ERC2: variants seen among roughly 807,000 people sequenced by gnomAD.
ERC2 encodes the protein ERC protein 2.
Under a neutral mutation model 114.8 loss-of-function variants are expected in ERC2, and 42 were observed. The ratio of observed to expected loss-of-function variants is 0.37; its 90% CI spans 0.29 to 0.47. ERC2 has a LOEUF of 0.47. Among genes scored for constraint, ERC2 ranks in the 20% least tolerant of loss-of-function variants. The pLI, the probability that ERC2 is intolerant of heterozygous loss-of-function variation, is 0.99. For synonymous variants in ERC2, 454 were observed against 425.5 expected (o/e 1.07, Z -0.82); for missense variants, 939 against 1,150.7 (o/e 0.82, Z 2.66).
intron 16 of ERC2, among the ~76,000 whole-genome samples, chr3:55,695,294 C>A (rs554428769): frequency 2.0e-5 from 3 of 152,302 alleles, no homozygotes; most frequent in African/African-American, 7.2e-5. Context: ...TTGTTGTCTG[C>A]CCCCATGGCC....
intron 3 of ERC2, among the ~76,000 whole-genome samples, chr3:56,195,271 A>T (rs2048027088): frequency 6.6e-6 from 1 of 152,148 alleles, no homozygotes; most frequent in South Asian, 2.1e-4. Context: ...CAAAGGGAAG[A>T]TTCACGTCTT....
At chr3:56,134,083 A>C (rs575814585) in intron 6 of ERC2, among the ~76,000 whole-genome samples, 4 of 152,376 alleles carry the variant, frequency 2.6e-5, no homozygotes, top group Non-Finnish European at 4.4e-5. Context: ...TTTAATCAAA[A>C]GATAGTCTCA....
At chr3:55,976,448 G>A (rs1272373539) in intron 12 of ERC2, among the ~76,000 whole-genome samples, 2 of 151,990 alleles carry the variant, frequency 1.3e-5, no homozygotes, top group Non-Finnish European at 1.5e-5. Context: ...TTCAAATTAC[G>A]CATAATTTCT....
chr3:55,878,502 A>T (rs933082826), intron 14 of ERC2, among the ~76,000 whole-genome samples: 1 of 152,204 alleles, frequency 6.6e-6, no homozygotes, highest in Non-Finnish European at 1.5e-5. Context: ...TGGTGCCACC[A>T]TTCCCACACT....
chr3:55,551,414 T>G (rs980347880), intron 17 of ERC2, among the ~76,000 whole-genome samples: 3 of 151,934 alleles, frequency 2.0e-5, no homozygotes, highest in African/African-American at 7.3e-5. Context: ...TCCCAGCTAC[T>G]CGGGAGGCTA....
At chr3:56,002,670 G>A (rs1160953040) in intron 10 of ERC2, among the ~76,000 whole-genome samples, 5 of 152,138 alleles carry the variant, frequency 3.3e-5, no homozygotes, top group African/African-American at 7.2e-5. Context: ...CTCAAAGAGC[G>A]TAACCCTGTT....
intron 7 of ERC2, among the ~76,000 whole-genome samples, chr3:56,050,327 T>G (rs2075703538): frequency 6.6e-6 from 1 of 152,112 alleles, no homozygotes. Context: ...TACAACTGTC[T>G]CAGTCTGGGA....
At chr3:56,075,985 C>A (rs1441374317) in intron 7 of ERC2, among the ~76,000 whole-genome samples, 1 of 152,020 alleles carries the variant, frequency 6.6e-6, no homozygotes, top group Non-Finnish European at 1.5e-5. Context: ...CTGAGGTTAT[C>A]ATCATTCAGA....
intron 1 of ERC2, among the ~76,000 whole-genome samples, chr3:56,449,222 T>C (rs1309588660): frequency 6.6e-6 from 1 of 150,958 alleles, no homozygotes; most frequent in Non-Finnish European, 1.5e-5. Context: ...CCCAAGAAGA[T>C]GTACTAGGAA....
chr3:55,856,669 T>C (rs1476874247), intron 14 of ERC2, among the ~76,000 whole-genome samples: 1 of 152,076 alleles, frequency 6.6e-6, no homozygotes, highest in Non-Finnish European at 1.5e-5. Flanking sequence ...GAAAAATATC[T>C]ATACCCAAGA....
chr3:56,040,273 T>C (rs1473256423), intron 7 of ERC2, among the ~76,000 whole-genome samples: 1 of 152,100 alleles, frequency 6.6e-6, no homozygotes, highest in African/African-American at 2.4e-5. Context: ...AGATAGCTTG[T>C]TTTATTTAGT....
At chr3:56,000,893 TAAA>T (rs58057703) in intron 10 of ERC2, among the ~76,000 whole-genome samples, 2 of 137,740 alleles carry the variant, frequency 1.5e-5, no homozygotes, top group African/African-American at 2.6e-5. Context: ...GTCTTAAGTT[TAAA>T]AAAAAAAAAA....
At chr3:55,757,728 T>C (rs917793780) in intron 14 of ERC2, among the ~76,000 whole-genome samples, 4 of 152,120 alleles carry the variant, frequency 2.6e-5, no homozygotes, top group African/African-American at 7.2e-5. Flanking sequence ...ATAAATATTG[T>C]TCACTTTGAA....
chr3:56,038,324 A>G (rs1316740527), intron 7 of ERC2, among the ~76,000 whole-genome samples: 2 of 152,236 alleles, frequency 1.3e-5, no homozygotes, highest in African/African-American at 4.8e-5. Flanking sequence ...CAACAAACAT[A>G]TGAAAAAAAG....
chr3:55,854,681 CAA>C (rs1432105175), intron 14 of ERC2, among the ~76,000 whole-genome samples: 1 of 152,262 alleles, frequency 6.6e-6, no homozygotes, highest in African/African-American at 2.4e-5. Flanking sequence ...ATGCTCTTGA[CAA>C]AAGACAGTCT....
At chr3:56,032,925 A>AAGAGAGAGAGAGAGAC (rs2074488839) in intron 7 of ERC2, among the ~76,000 whole-genome samples, 1 of 86,050 alleles carries the variant, frequency 1.2e-5, no homozygotes, top group East Asian at 3.4e-4. Flanking sequence ...GAAAGAAAGA[A>AAGAGAGAGAGAGAGAC]AGAAAGAAAG....
At chr3:55,696,559 C>T (rs1358311063) in intron 16 of ERC2, among the ~76,000 whole-genome samples, 1 of 152,188 alleles carries the variant, frequency 6.6e-6, no homozygotes, top group Non-Finnish European at 1.5e-5. Flanking sequence ...AACATATACT[C>T]ATATGTACCC....
At chr3:56,008,228 T>C (rs1027961596) in intron 9 of ERC2, among the ~76,000 whole-genome samples, 1 of 152,168 alleles carries the variant, frequency 6.6e-6, no homozygotes, top group Non-Finnish European at 1.5e-5. Flanking sequence ...CGTTGGCTAA[T>C]AATTTACACT....
At chr3:56,410,619 G>C (rs765125196) in intron 2 of ERC2, among the ~76,000 whole-genome samples, 24 of 152,088 alleles carry the variant, frequency 1.6e-4, no homozygotes, top group Non-Finnish European at 3.4e-4. Context: ...GTTGTTTTTA[G>C]AGGCAGTTTT....
Sources: gnomAD v4.1 joint callset for allele counts (sites outside exome capture counted in the v4.1 genomes callset) on GRCh38, gnomAD v4.1.1 for gene constraint, MANE v1.5 for transcripts, NCBI Gene and HGNC (gene_info 2026-07-23, HGNC 2026-07-21) for gene names.